The following SLC12A7 variants were observed in gnomAD, a reference collection of about 807,000 sequenced individuals.
SLC12A7 encodes solute carrier family 12 member 7.
SLC12A7 carries 100 observed loss-of-function variants against 120.6 expected under a neutral mutation model. The observed-to-expected ratio is 0.83, with a 90% CI of 0.71 to 0.98. SLC12A7 has a LOEUF of 0.98. Ranked by LOEUF, SLC12A7 falls within the 50% of genes least tolerant of loss-of-function variation. SLC12A7 has a pLI of 0.00. For missense variants in SLC12A7, 1,373 were observed against 1,548.1 expected (o/e 0.89, Z 1.90); for synonymous variants, 760 against 678.0 (o/e 1.12, Z -1.88).
chr5:1,058,318 AC>A (rs1425758107), intron 21 of SLC12A7, among the ~76,000 whole-genome samples: 15 of 152,218 alleles, frequency 9.9e-5, no homozygotes, highest in African/African-American at 3.4e-4. Context: ...AACACCCTCC[AC>A]TGGGTTCTCA....
the SLC12A7 span, among the ~76,000 whole-genome samples, chr5:1,148,697 G>A: frequency 6.6e-6 from 1 of 152,180 alleles, no homozygotes; most frequent in South Asian, 2.1e-4. Context: ...GTGGGTACAG[G>A]GACACGGAAC....
the SLC12A7 span, among the ~76,000 whole-genome samples, chr5:1,155,605 C>T: frequency 6.6e-6 from 1 of 151,388 alleles, no homozygotes; most frequent in Admixed American, 6.6e-5. Context: ...AGCCCCACCC[C>T]CGCCGGCCCG....
intron 6 of SLC12A7, 115 bp downstream of exon 6, chr5:1,086,788 A>G: frequency 1.4e-6 from 2 of 1,387,014 alleles, no homozygotes; most frequent in Non-Finnish European, 9.9e-7. Context: ...CAGCCAGGGC[A>G]GTGGGGTCAG....
Position 1,057,418 on chromosome 5 carries a change from G to C in SLC12A7, c.3026+53C>G, listed in dbSNP as rs540853608. ...GGGAAGGGACTCTGTCCTCACTGCC[G>C]GGCCAGCACTGCCAGGATCTGTTCC... On this transcript the variant is annotated intron_variant, in intron 22 of 23. Transcript: ENST00000264930. 8.5e-6 allele frequency: 13 copies of C among 1,531,212 alleles called. No homozygotes were observed. In the African/African-American group the frequency reaches 1.6e-4, roughly 19 times the overall value. 94.9% of individuals were successfully genotyped at this position (1,531,212 alleles called of 1,614,324 possible). A position where few individuals can be genotyped will look rare whatever the true frequency, so the allele number is the denominator to read the frequency against.
At chr5:1,111,346 C>T (rs1561118118) in intron 1 of SLC12A7, among the ~76,000 whole-genome samples, 1 of 152,194 alleles carries the variant, frequency 6.6e-6, no homozygotes, top group Non-Finnish European at 1.5e-5. Context: ...GCCCCCTCCC[C>T]AGCCAGGGCG....
chr5:1,064,966 C>T (rs1408537812), intron 18 of SLC12A7, among the ~76,000 whole-genome samples: 10 of 109,002 alleles, frequency 9.2e-5, no homozygotes, highest in African/African-American at 2.5e-4. Flanking sequence ...GGTGAGGGGA[C>T]GGTTAGGGGA....
chr5:1,099,419 G>A (rs906641615), intron 1 of SLC12A7, among the ~76,000 whole-genome samples: 2 of 141,998 alleles, frequency 1.4e-5, no homozygotes, highest in Admixed American at 6.7e-5. Context: ...CCTCCTCTGG[G>A]GCACGGACAT....
chr5:1,114,768 G>A (rs560135513), upstream of SLC12A7, among the ~76,000 whole-genome samples: 1 of 152,252 alleles, frequency 6.6e-6, no homozygotes, highest in East Asian at 1.9e-4. Flanking sequence ...CCGGGGGCTC[G>A]CAGAGGGAGC....
At chr5:1,109,511 C>A (rs1179057866) in intron 1 of SLC12A7, among the ~76,000 whole-genome samples, 1 of 152,200 alleles carries the variant, frequency 6.6e-6, no homozygotes, top group Non-Finnish European at 1.5e-5. Context: ...AGTGCCCATC[C>A]CCGGGACAGG....
chr5:1,148,205 C>CTTTCT, the SLC12A7 span, among the ~76,000 whole-genome samples: 1 of 107,638 alleles, frequency 9.3e-6, no homozygotes, highest in Non-Finnish European at 1.8e-5. Flanking sequence ...TTCTTTCTTT[C>CTTTCT]TTTTTTTTTT....
rs200878168 is a variant in SLC12A7, at chr5:1,076,194, G to A, written c.1791C>T (p.Ala597=). The part of the protein sequence containing the change: ...MCYLFVNLAC[A]VQTLLRTPNW... ...TGGGGGTACGTAGCAGGGTCTGCAC[G>A]GCGCAGGCCAGGTTCACGAACAGGT... The change falls in exon 14 of 24, where the codon GCC becomes GCT. Residue 597 remains alanine, a synonymous_variant. Transcript: ENST00000264930. 22 of 1,612,238 alleles carry A rather than the reference G, an allele frequency of 1.4e-5. No homozygotes were observed. Among genetic ancestry groups the A allele is most frequent in the East Asian group, 2.2e-5 (1 of 44,864 alleles).
intron 22 of SLC12A7, among the ~76,000 whole-genome samples, chr5:1,056,226 G>C (rs1225135437): frequency 6.6e-6 from 1 of 152,198 alleles, no homozygotes; most frequent in Non-Finnish European, 1.5e-5. Flanking sequence ...GCTAGCGCCT[G>C]ACCCAGAAGG....
the SLC12A7 span, among the ~76,000 whole-genome samples, chr5:1,155,176 C>T: frequency 1.3e-5 from 2 of 151,938 alleles, no homozygotes; most frequent in East Asian, 1.9e-4. Flanking sequence ...TTCTGCTCCC[C>T]GCAGGGACGA....
At chr5:1,124,908 CA>C in the SLC12A7 span, among the ~76,000 whole-genome samples, 1 of 152,194 alleles carries the variant, frequency 6.6e-6, no homozygotes, top group Non-Finnish European at 1.5e-5. Context: ...CGCCCCGCTT[CA>C]GCAAAATCCA....
chr5:1,108,102 G>A (rs1457695795), intron 1 of SLC12A7, among the ~76,000 whole-genome samples: 1 of 152,200 alleles, frequency 6.6e-6, no homozygotes, highest in African/African-American at 2.4e-5. Flanking sequence ...GCACACGTGT[G>A]TACATATATG....
In SLC12A7 at chr5:1,052,303, C is replaced by G. The variant is rs748227509; in HGVS notation, c.*57G>C. 2 of 1,450,938 alleles carry G rather than the reference C, an allele frequency of 1.4e-6. No individual in the cohort carries two copies. The highest frequency in any genetic ancestry group is 1.4e-5 in the African/African-American group (1 of 71,856). 89.9% of individuals were successfully genotyped at this position (1,450,938 alleles called of 1,614,324 possible). Reference sequence around the variant, plus strand: ...TGTTTCCCTGGGCCAAGCCCAGGCCCAGGCTGCCCACGCCGTCCTCCGTGC... The same window carrying G: ...TGTTTCCCTGGGCCAAGCCCAGGCCGAGGCTGCCCACGCCGTCCTCCGTGC... On this transcript the variant is annotated 3_prime_UTR_variant, in exon 24 of 24. Coordinates refer to ENST00000264930, the MANE Select transcript of SLC12A7 (RefSeq NM_006598.3).
Position 1,052,462 on chromosome 5 carries a change from C to G in SLC12A7, c.3161-11G>C, listed in dbSNP as rs746312930. 2.7e-5 allele frequency: 43 copies of G among 1,606,882 alleles called. No homozygotes were observed. The South Asian group carries it at 3.8e-4, about 14-fold the overall frequency. On this transcript the variant is annotated splice_polypyrimidine_tract_variant and intron_variant, in intron 23 of 23. Transcript: ENST00000264930. ...CAAGAAACTCCATGTCTGTGGTCAA[C>G]AGAGTTAAGGCCACAGCTGATCTTA...
In SLC12A7 at chr5:1,112,049, C is replaced by G. The variant is rs998980489; in HGVS notation, c.-58G>C. The G allele has an allele frequency of 4.9e-6, 6 of 1,212,288 alleles. No individual in the cohort carries two copies. The highest frequency in any genetic ancestry group is 6.2e-6 in the Non-Finnish European group (6 of 974,406). 75.1% of individuals were successfully genotyped at this position (1,212,288 alleles called of 1,614,324 possible). A position where few individuals can be genotyped will look rare whatever the true frequency, so the allele number is the denominator to read the frequency against. ...CCGGCCCGCGCTGCGCCGCTCCCGC[C>G]GACGCCACGGGACTTGGAGGCAGGG... On this transcript the variant is annotated 5_prime_UTR_variant, in exon 1 of 24. Transcript: ENST00000264930.
chr5:1,137,648 G>A, the SLC12A7 span, among the ~76,000 whole-genome samples: 2 of 152,360 alleles, frequency 1.3e-5, no homozygotes, highest in Admixed American at 1.3e-4. Flanking sequence ...TTGGCAAACA[G>A]GGCCCGCCCC....
Sources: gnomAD v4.1 joint callset for allele counts (sites outside exome capture counted in the v4.1 genomes callset) on GRCh38, gnomAD v4.1.1 for gene constraint, MANE v1.5 for transcripts, NCBI Gene and HGNC (gene_info 2026-07-23, HGNC 2026-07-21) for gene names.